The following COG5 variants were observed in gnomAD, a reference collection of about 807,000 sequenced individuals.
The protein encoded by COG5 is component of oligomeric golgi complex 5, also known as conserved oligomeric Golgi complex subunit 5.
COG5 carries 86 observed loss-of-function variants against 110.4 expected under a neutral mutation model. The ratio of observed to expected loss-of-function variants is 0.78; its 90% confidence interval spans 0.65 to 0.93. The LOEUF (loss-of-function observed/expected upper bound fraction) is 0.93, where lower values mean the gene tolerates loss of function less well. COG5 is among the 40% of genes least tolerant of loss of function. The pLI, the probability that COG5 is intolerant of heterozygous loss-of-function variation, is 0.00. For missense variants in COG5, 1,077 were observed against 987.0 expected (o/e 1.09, Z -1.22); for synonymous variants, 360 against 334.6 (o/e 1.08, Z -0.83).
At chr7:107,303,139 A>G (rs1231197346) in intron 11 of COG5, among the ~76,000 whole-genome samples, 1 of 151,940 alleles carries the variant, frequency 6.6e-6, no homozygotes, top group Admixed American at 6.6e-5. Flanking sequence ...TTTGTTGCCC[A>G]GGCTGGTCTC....
At chr7:107,466,144 AC>A (rs757717348) in intron 6 of COG5, among the ~76,000 whole-genome samples, 5 of 152,146 alleles carry the variant, frequency 3.3e-5, no homozygotes, top group Non-Finnish European at 7.4e-5. Flanking sequence ...TAAGAGAAAA[AC>A]ATCAATAAAA....
At chr7:107,263,560 C>T (rs1465788154) in intron 14 of COG5, among the ~76,000 whole-genome samples, 1 of 152,114 alleles carries the variant, frequency 6.6e-6, no homozygotes, top group Non-Finnish European at 1.5e-5. Context: ...TTAAAACACA[C>T]ACACAAATAC....
chr7:107,296,926 T>G (rs1584638818), intron 12 of COG5, among the ~76,000 whole-genome samples: 1 of 152,198 alleles, frequency 6.6e-6, no homozygotes, highest in African/African-American at 2.4e-5. Flanking sequence ...ATGATTCTAG[T>G]GTTTAAAGAA....
chr7:107,511,553 G>C (rs541680114), intron 6 of COG5, among the ~76,000 whole-genome samples: 52 of 152,294 alleles, frequency 3.4e-4, no homozygotes, highest in African/African-American at 1.3e-3. Context: ...TATGAGGCCA[G>C]CATCATCCTG....
At chr7:107,483,352 T>C (rs1296208011) in intron 6 of COG5, among the ~76,000 whole-genome samples, 1 of 152,196 alleles carries the variant, frequency 6.6e-6, no homozygotes, top group Non-Finnish European at 1.5e-5. Flanking sequence ...AACTAACCTA[T>C]CACAACTTAT....
intron 6 of COG5, among the ~76,000 whole-genome samples, chr7:107,488,765 T>C (rs1797806509): frequency 6.6e-6 from 1 of 151,970 alleles, no homozygotes; most frequent in African/African-American, 2.4e-5. Flanking sequence ...GAGGACCACC[T>C]AAGCCCAGGA....
intron 6 of COG5, among the ~76,000 whole-genome samples, chr7:107,522,830 G>A (rs897461053): frequency 2.5e-4 from 38 of 152,222 alleles, no homozygotes; most frequent in Admixed American, 1.5e-3. Context: ...TACTAAATGT[G>A]TCAAAAATCA....
intron 7 of COG5, among the ~76,000 whole-genome samples, chr7:107,395,659 A>G (rs1790946776): frequency 1.4e-5 from 2 of 144,862 alleles, no homozygotes; most frequent in Non-Finnish European, 3.0e-5. Context: ...GGTTCAAGCA[A>G]TTCTCCTGCC....
chr7:107,209,077 G>T (rs1798975261), intron 21 of COG5: 5 of 985,258 alleles, frequency 5.1e-6, no homozygotes, highest in Non-Finnish European at 6.0e-6. Context: ...TGCACATGTG[G>T]TTTAGAACCA....
chr7:107,274,461 T>A (rs1804534195), intron 14 of COG5, among the ~76,000 whole-genome samples: 1 of 152,002 alleles, frequency 6.6e-6, no homozygotes, highest in South Asian at 2.1e-4. Context: ...TGTGGAGGGG[T>A]TGTTTTGGTG....
chr7:107,358,893 T>C (rs1313160861), intron 10 of COG5, among the ~76,000 whole-genome samples: 2 of 152,138 alleles, frequency 1.3e-5, no homozygotes, highest in Non-Finnish European at 2.9e-5. Flanking sequence ...TGGTCTCCTC[T>C]AGATCTTGCC....
intron 6 of COG5, among the ~76,000 whole-genome samples, chr7:107,456,792 C>T (rs1795691188): frequency 6.6e-6 from 1 of 152,162 alleles, no homozygotes; most frequent in African/African-American, 2.4e-5. Flanking sequence ...CAGGATACTG[C>T]AAAATATTCT....
At chr7:107,440,048 C>T (rs1158596227) in intron 6 of COG5, among the ~76,000 whole-genome samples, 5 of 152,126 alleles carry the variant, frequency 3.3e-5, no homozygotes, top group South Asian at 2.1e-4. Flanking sequence ...AAAGGTAGGC[C>T]GAATTTAATA....
chr7:107,520,616 T>C (rs1463623124), intron 6 of COG5, among the ~76,000 whole-genome samples: 1 of 152,122 alleles, frequency 6.6e-6, no homozygotes, highest in Non-Finnish European at 1.5e-5. Context: ...CAAGGAGAAC[T>C]ACAAACCACA....
intron 21 of COG5, among the ~76,000 whole-genome samples, chr7:107,203,834 A>T (rs367597633): frequency 6.6e-6 from 1 of 152,102 alleles, no homozygotes; most frequent in Non-Finnish European, 1.5e-5. Context: ...AGTGTGAAAA[A>T]CTATAACCAT....
Position 107,393,313 on chromosome 7 carries a change from A to T in COG5, c.669+19189T>A, listed in dbSNP as rs77024766. Among the ~76,000 whole-genome samples, 418 of 152,176 alleles carry T rather than the reference A, an allele frequency of 2.7e-3. 11 individuals are homozygous for T. In the East Asian group the frequency reaches 0.064, roughly 23 times the overall value. On this transcript the variant is annotated intron_variant, in intron 7 of 21. Coordinates refer to ENST00000297135, the MANE Select transcript of COG5 (RefSeq NM_006348.5). ...ACTCCCTCTTTACAAAACCACTCCCATTCTTGGTACTCTGTGCCCCTAGGT... is the reference window on the plus strand; with the variant it reads ...ACTCCCTCTTTACAAAACCACTCCCTTTCTTGGTACTCTGTGCCCCTAGGT...
chr7:107,544,501 T>C (rs1034211008), intron 5 of COG5, among the ~76,000 whole-genome samples: 5 of 152,174 alleles, frequency 3.3e-5, no homozygotes, highest in African/African-American at 1.2e-4. Context: ...CCAGTAAATA[T>C]AGTCTGCAGA....
At chr7:107,232,046 A>G (rs1562924769) in intron 18 of COG5, among the ~76,000 whole-genome samples, 1 of 152,248 alleles carries the variant, frequency 6.6e-6, no homozygotes. Flanking sequence ...GAGGATGAAC[A>G]GTAACCAGGT....
At chr7:107,354,999 T>C (rs1253296240) in intron 10 of COG5, among the ~76,000 whole-genome samples, 1 of 152,232 alleles carries the variant, frequency 6.6e-6, no homozygotes, top group Non-Finnish European at 1.5e-5. Flanking sequence ...CTATACTTAC[T>C]CTTATGTAAA....
Sources: allele counts gnomAD v4.1 joint callset (sites outside exome capture counted in the v4.1 genomes callset), GRCh38; gene constraint gnomAD v4.1.1; transcripts MANE v1.5; gene names NCBI Gene and HGNC (gene_info 2026-07-23, HGNC 2026-07-21).